SNX16: variants seen among roughly 807,000 people sequenced by gnomAD.
SNX16 encodes sorting nexin 16, also known as sorting nexin-16.
In SNX16, 35 loss-of-function variants were observed where a neutral mutation model predicts 36.7. That is an observed-to-expected ratio of 0.95 (90% confidence interval 0.73 to 1.27). The LOEUF is 1.27. Among genes scored for constraint, SNX16 ranks in the 50% most tolerant of loss-of-function variants. SNX16 has a pLI of 0.00. For synonymous variants in SNX16, 134 were observed against 132.0 expected (o/e 1.02, Z -0.10); for missense variants, 367 against 393.6 (o/e 0.93, Z 0.57).
chr8:81,818,407 A>T (rs1231909897), intron 4 of SNX16, among the ~76,000 whole-genome samples: 1 of 152,118 alleles, frequency 6.6e-6, no homozygotes, highest in East Asian at 1.9e-4. Flanking sequence ...TTCAGGTTGC[A>T]AATGTACAAA....
At chr8:81,822,397 G>C (rs952448825) in intron 4 of SNX16, among the ~76,000 whole-genome samples, 1 of 152,048 alleles carries the variant, frequency 6.6e-6, no homozygotes, top group Non-Finnish European at 1.5e-5. Flanking sequence ...GGGGAGGTGG[G>C]CAGGAATAAC....
In SNX16 at chr8:81,802,089, T is replaced by TA. The variant is rs533423683; in HGVS notation, c.938+290dup. 2.2e-3 allele frequency among the ~76,000 whole-genome samples: 336 copies of TA among 151,710 alleles called. 1 individual carries two copies. Among genetic ancestry groups the TA allele is most frequent in the African/African-American group, 7.7e-3 (320 of 41,522 alleles). On this transcript the variant is annotated intron_variant, in intron 7 of 7. Coordinates refer to ENST00000345957, the MANE Select transcript of SNX16 (RefSeq NM_152836.3). ...GAGATTAAGGTAATCTGTCAATATT[T>TA]AAAAAATTAGTTAATTACCTGAGTC...
Position 81,815,366 on chromosome 8 carries a change from C to G in SNX16, c.640G>C (p.Asp214His). Residue 214 changes from aspartate to histidine, a missense_variant, in exon 5 of 8, where the codon GAT becomes CAT. Coordinates refer to ENST00000345957, the MANE Select transcript of SNX16 (RefSeq NM_152836.3). ...CLAVREFLCL[D>H]DPPGPFDSLE... Reference sequence around the variant, plus strand: ...CTATCAAATGGACCCGGTGGATCATCCAAACAAAGAAATTCTCTCACTGCA... The same window carrying G: ...CTATCAAATGGACCCGGTGGATCATGCAAACAAAGAAATTCTCTCACTGCA... 1 of 1,612,490 alleles carries G rather than the reference C, an allele frequency of 6.2e-7. No individual in the cohort carries two copies. Among genetic ancestry groups the G allele is most frequent in the African/African-American group, 1.3e-5 (1 of 74,910 alleles).
chr8:81,814,346 T>C (rs528869600), intron 5 of SNX16, among the ~76,000 whole-genome samples: 103 of 152,052 alleles, frequency 6.8e-4, no homozygotes, highest in Non-Finnish European at 1.1e-3. Context: ...GCAGACTGTA[T>C]ATATAAAAGT....
rs920800979 is a variant in SNX16 at position 81,800,567 on chromosome 8, T to C, written c.*930A>G. On this transcript the variant is annotated 3_prime_UTR_variant, in exon 8 of 8. Coordinates refer to ENST00000345957, the MANE Select transcript of SNX16 (RefSeq NM_152836.3). ...AATATATTAAAAAGAAAATCAGCCATAATACAGTATAACAACATCTTCACA... is the reference window on the plus strand; with the variant it reads ...AATATATTAAAAAGAAAATCAGCCACAATACAGTATAACAACATCTTCACA... 6.6e-6 allele frequency: 1 copy of C among 152,272 alleles called. No homozygotes were observed. The highest frequency in any genetic ancestry group is 1.5e-5 in the Non-Finnish European group (1 of 67,730). 9.4% of individuals were successfully genotyped at this position (152,272 alleles called of 1,614,324 possible).
At chr8:81,830,716 T>A (rs1015740487) in intron 2 of SNX16, among the ~76,000 whole-genome samples, 3 of 151,958 alleles carry the variant, frequency 2.0e-5, no homozygotes, top group Non-Finnish European at 4.4e-5. Flanking sequence ...TTCAATGGTA[T>A]TCCTATCGAA....
intron 2 of SNX16, among the ~76,000 whole-genome samples, chr8:81,837,136 T>C (rs1263738981): frequency 6.6e-6 from 1 of 152,228 alleles, no homozygotes; most frequent in East Asian, 1.9e-4. Context: ...GTTTTATTTC[T>C]CTCTATAGTG....
At chr8:81,820,444 C>T (rs1423099327) in intron 4 of SNX16, among the ~76,000 whole-genome samples, 3 of 152,128 alleles carry the variant, frequency 2.0e-5, no homozygotes, top group Middle Eastern at 3.4e-3. Flanking sequence ...GTCTGTGATA[C>T]ATTTAGAATT....
In SNX16 at chr8:81,800,973, A is replaced by C. The variant is rs576306772; in HGVS notation, c.*524T>G. 3.1e-4 allele frequency: 47 copies of C among 152,308 alleles called. No individual in the cohort carries two copies. The highest frequency in any genetic ancestry group is 1.5e-5 in the Non-Finnish European group (1 of 67,660). 9.4% of individuals were successfully genotyped at this position (152,308 alleles called of 1,614,324 possible). A position where few individuals can be genotyped will look rare whatever the true frequency, so the allele number is the denominator to read the frequency against. Reference sequence around the variant, plus strand: ...CTAAAGAGCATTAACATTTCAAATAAGCAAATTTTATTTAGAGATGTAAAC... The same window carrying C: ...CTAAAGAGCATTAACATTTCAAATACGCAAATTTTATTTAGAGATGTAAAC... On this transcript the variant is annotated 3_prime_UTR_variant, in exon 8 of 8. Transcript: ENST00000345957.
At chr8:81,803,971 T>C (rs930167695) in intron 5 of SNX16, among the ~76,000 whole-genome samples, 12 of 151,026 alleles carry the variant, frequency 7.9e-5, no homozygotes, top group Non-Finnish European at 1.5e-4. Flanking sequence ...CAAATATATA[T>C]ATATAAATAC....
intron 5 of SNX16, 68 bp from the exon 6 acceptor site, chr8:81,803,296 A>G (rs1018782239): frequency 2.1e-6 from 3 of 1,444,770 alleles, no homozygotes; most frequent in African/African-American, 2.9e-5. Context: ...CAAATGCAGT[A>G]TCTTTCTCAA....
At chr8:81,807,469 A>G (rs1467536382) in intron 5 of SNX16, among the ~76,000 whole-genome samples, 2 of 141,656 alleles carry the variant, frequency 1.4e-5, no homozygotes, top group African/African-American at 5.3e-5. Flanking sequence ...CAGTGAGCCA[A>G]GATGGCGCCA....
chr8:81,814,911 A>G (rs1810410975), intron 5 of SNX16: 1 of 152,652 alleles, frequency 6.6e-6, no homozygotes, highest in Non-Finnish European at 1.5e-5. Context: ...ATCAGGCACA[A>G]GCTAAACCGA....
At chr8:81,825,610 C>T (rs1473075746) in intron 3 of SNX16, among the ~76,000 whole-genome samples, 1 of 152,120 alleles carries the variant, frequency 6.6e-6, no homozygotes. Context: ...AGCATAGTGC[C>T]TGCTACATAA....
chr8:81,840,161 T>G (rs1811680556), intron 1 of SNX16, 79 bp from the exon 2 acceptor site: 1 of 667,880 alleles, frequency 1.5e-6, no homozygotes, highest in Admixed American at 3.2e-5. Flanking sequence ...CTTTTCAATT[T>G]TATGACACTA....
intron 5 of SNX16, among the ~76,000 whole-genome samples, chr8:81,812,263 A>T (rs991968048): frequency 6.6e-6 from 1 of 152,046 alleles, no homozygotes; most frequent in Non-Finnish European, 1.5e-5. Context: ...ATTTGAAGAA[A>T]TAATGGCTAA....
At chr8:81,834,644 C>G (rs966912597) in intron 2 of SNX16, among the ~76,000 whole-genome samples, 3 of 152,234 alleles carry the variant, frequency 2.0e-5, no homozygotes, top group Non-Finnish European at 4.4e-5. Context: ...AGGCCCAATG[C>G]AAGTCTGAAA....
chr8:81,831,927 G>C (rs1047607852), intron 2 of SNX16, among the ~76,000 whole-genome samples: 1 of 152,146 alleles, frequency 6.6e-6, no homozygotes, highest in African/African-American at 2.4e-5. Flanking sequence ...TGCTGGTGAT[G>C]TTATGGAGAA....
At chr8:81,813,768 G>C (rs556995052) in intron 5 of SNX16, among the ~76,000 whole-genome samples, 1 of 151,652 alleles carries the variant, frequency 6.6e-6, no homozygotes, top group Non-Finnish European at 1.5e-5. Flanking sequence ...GGCAAGACGT[G>C]AACAGACATT....
Sources: gnomAD v4.1 joint callset for allele counts (sites outside exome capture counted in the v4.1 genomes callset) on GRCh38, gnomAD v4.1.1 for gene constraint, MANE v1.5 for transcripts, NCBI Gene and HGNC (gene_info 2026-07-23, HGNC 2026-07-21) for gene names.